GNL3L: variants seen among roughly 807,000 people sequenced by gnomAD.
GNL3L encodes the protein G protein nucleolar 3 like, also known as guanine nucleotide-binding protein-like 3-like protein.
GNL3L carries 4 observed loss-of-function variants against 42.9 expected under a neutral mutation model. That is an observed-to-expected ratio of 0.09 (90% confidence interval 0.05 to 0.21). The LOEUF is 0.21. Among genes scored for constraint, GNL3L ranks in the 10% least tolerant of loss-of-function variants. GNL3L has a pLI of 1.00. For missense variants in GNL3L, 412 were observed against 481.7 expected (o/e 0.86, Z 1.36); for synonymous variants, 159 against 176.3 (o/e 0.90, Z 0.78).
rs56807107 is a variant in GNL3L, at chrX:54,606,995, C to CCTTT, written c.*46-13775_*46-13772dup. Among the ~76,000 whole-genome samples, 191 of 27,976 alleles carry CCTTT rather than the reference C, an allele frequency of 6.8e-3. 2 individuals carry two copies. The highest frequency in any genetic ancestry group is 0.011 in the East Asian group (11 of 1,008). The allele number at this position is 27,976 out of a possible 115,157, so 24.3% of individuals were successfully genotyped here. On this transcript the variant is annotated intron_variant, in intron 16 of 16. Coordinates refer to the GNL3L transcript ENST00000674498. ...GATTTTTCTTTCTTTCCTTTCCTTTCCTTTCTTTCTTTCTTTCTTTCTTTC... is the reference window on the plus strand; with the variant it reads ...GATTTTTCTTTCTTTCCTTTCCTTTCCTTTCTTTCTTTCTTTCTTTCTTTCTTTC...
chrX:54,635,955 T>A, the GNL3L span, among the ~76,000 whole-genome samples: 1 of 111,376 alleles, frequency 9.0e-6, no homozygotes, highest in Admixed American at 9.6e-5. Flanking sequence ...TCCCCATATA[T>A]GTGGCTTCTT....
chrX:54,637,945 G>A, the GNL3L span, among the ~76,000 whole-genome samples: 1 of 111,284 alleles, frequency 9.0e-6, no homozygotes, highest in African/African-American at 3.3e-5. Context: ...AGCTGGGTGA[G>A]AGGTACTTGG....
chrX:54,539,162 C>T, intron 3 of GNL3L, 61 bp downstream of exon 3: 1 of 590,557 alleles, frequency 1.7e-6, no homozygotes, highest in Non-Finnish European at 2.7e-6. Context: ...TGGGAGAGGC[C>T]CACTAAACCC....
At chrX:54,611,316 T>C (rs1926159140) in intron 16 of GNL3L, among the ~76,000 whole-genome samples, 1 of 111,906 alleles carries the variant, frequency 8.9e-6, no homozygotes, top group Admixed American at 9.5e-5. Context: ...GTTTTATTTA[T>C]CTTTTGTATT....
At chrX:54,550,903 G>C (rs919400366) in intron 9 of GNL3L, 60 bp from the exon 10 acceptor site, 18 of 654,929 alleles carry the variant, frequency 2.7e-5, no homozygotes, top group Middle Eastern at 3.7e-4. Flanking sequence ...CCTCACACAG[G>C]CTGGCCTGAG....
chrX:54,626,811 C>A, the GNL3L span, among the ~76,000 whole-genome samples: 1 of 111,656 alleles, frequency 9.0e-6, no homozygotes, highest in Non-Finnish European at 1.9e-5. Context: ...TGTATGTCTT[C>A]TTTTGAGAAA....
At chrX:54,633,563 C>T in the GNL3L span, among the ~76,000 whole-genome samples, 17 of 111,016 alleles carry the variant, frequency 1.5e-4, no homozygotes, top group African/African-American at 5.2e-4. Context: ...GATTGTCTTT[C>T]AGGGGGACTT....
At chrX:54,541,446 TTC>T (rs1924613954) in intron 5 of GNL3L, 57 bp downstream of exon 5, 1 of 737,450 alleles carries the variant, frequency 1.4e-6, no homozygotes, top group Admixed American at 2.3e-5. Context: ...TTTGCCGTTT[TTC>T]TGTGAAAGGG....
chrX:54,576,271 C>T (rs1925633574), intron 16 of GNL3L, among the ~76,000 whole-genome samples: 1 of 111,386 alleles, frequency 9.0e-6, no homozygotes, highest in African/African-American at 3.3e-5. Flanking sequence ...AAATCATTGT[C>T]TTAGTCCTTA....
At chrX:54,622,867 A>G (rs763675641), downstream of GNL3L, among the ~76,000 whole-genome samples, 3 of 111,454 alleles carry the variant, frequency 2.7e-5, no homozygotes, top group Non-Finnish European at 3.8e-5. Context: ...CATTTAGGTC[A>G]TTGATCAATT....
intron 16 of GNL3L, among the ~76,000 whole-genome samples, chrX:54,588,616 G>A (rs1189634543): frequency 9.0e-6 from 1 of 110,905 alleles, no homozygotes; most frequent in Non-Finnish European, 1.9e-5. Flanking sequence ...CTTGAGGTCA[G>A]GAGTTCGAGA....
chrX:54,617,546 C>T (rs1926234093), intron 16 of GNL3L, among the ~76,000 whole-genome samples: 1 of 112,093 alleles, frequency 8.9e-6, no homozygotes, highest in Non-Finnish European at 1.9e-5. Flanking sequence ...CTTACTCTGG[C>T]TTTCAGAAAC....
At chrX:54,545,726 A>T (rs943714333) in intron 8 of GNL3L, among the ~76,000 whole-genome samples, 8 of 112,191 alleles carry the variant, frequency 7.1e-5, no homozygotes, top group African/African-American at 2.6e-4. Flanking sequence ...AAAGTAGAAA[A>T]AATAAAATTA....
intron 1 of GNL3L, among the ~76,000 whole-genome samples, chrX:54,531,014 C>T (rs1226004810): frequency 3.6e-5 from 4 of 111,954 alleles, no homozygotes; most frequent in East Asian, 2.8e-4. Context: ...ATTGCCCCCT[C>T]CTCTTAGGTT....
rs532348089 is a variant in GNL3L, at chrX:54,561,520, C to T, written c.*918C>T. Among the ~76,000 whole-genome samples, 4 of 112,299 alleles carry T rather than the reference C, an allele frequency of 3.6e-5. No individual in the cohort carries two copies. The highest frequency in any genetic ancestry group is 5.6e-4 in the East Asian group (2 of 3,541). ...CTGGCTTGTGCTGAAGTGTGGTAGG[C>T]ACTACCCTGTTTGCGTGAAGAGAAA... On this transcript the variant is annotated 3_prime_UTR_variant, in exon 16 of 16. Coordinates refer to ENST00000360845, the MANE Select transcript of GNL3L (RefSeq NM_001184819.2).
chrX:54,609,382 A>G (rs925085256), intron 16 of GNL3L, among the ~76,000 whole-genome samples: 2 of 112,129 alleles, frequency 1.8e-5, no homozygotes, highest in Non-Finnish European at 3.8e-5. Flanking sequence ...CTCTGTTTGT[A>G]TTGCATTTGC....
chrX:54,543,719 T>A (rs1361850861), intron 7 of GNL3L, among the ~76,000 whole-genome samples: 1 of 111,786 alleles, frequency 8.9e-6, no homozygotes, highest in African/African-American at 3.3e-5. Flanking sequence ...GGATAAGTCA[T>A]GCCACCTCCA....
At chrX:54,577,759 T>C (rs1455723955) in intron 16 of GNL3L, among the ~76,000 whole-genome samples, 1 of 110,995 alleles carries the variant, frequency 9.0e-6, no homozygotes. Context: ...CTTTTTTTTT[T>C]GGCAGGGTCT....
At chrX:54,568,926 G>A (rs1262580911), downstream of GNL3L, among the ~76,000 whole-genome samples, 2 of 112,098 alleles carry the variant, frequency 1.8e-5, no homozygotes, top group Non-Finnish European at 3.8e-5. Context: ...TGATCTTCCT[G>A]CCTCTCACTT....
Sources: allele counts gnomAD v4.1 joint callset (sites outside exome capture counted in the v4.1 genomes callset), GRCh38; gene constraint gnomAD v4.1.1; transcripts MANE v1.5; gene names NCBI Gene and HGNC (gene_info 2026-07-23, HGNC 2026-07-21).